The following PSMD1 variants were observed in gnomAD, a reference collection of about 807,000 sequenced individuals.
PSMD1 encodes 26S proteasome non-ATPase regulatory subunit 1.
PSMD1 carries 18 observed loss-of-function variants against 119.0 expected under a neutral mutation model. The ratio of observed to expected loss-of-function variants is 0.15; its 90% CI spans 0.10 to 0.22. PSMD1 has a LOEUF of 0.22. Ranked by LOEUF, PSMD1 falls within the 10% of genes least tolerant of loss-of-function variation. The pLI is 1.00. For synonymous variants in PSMD1, 374 were observed against 396.6 expected, an observed-to-expected ratio of 0.94 and a Z score of 0.68; for missense variants, 702 against 1,158.5, an observed-to-expected ratio of 0.61 and a Z score of 5.72.
At chr2:231,067,661 T>C (rs1292299479) in intron 5 of PSMD1, among the ~76,000 whole-genome samples, 1 of 152,120 alleles carries the variant, frequency 6.6e-6, no homozygotes, top group East Asian at 1.9e-4. Flanking sequence ...TTCTTTTTTC[T>C]TTCTTTTTTT....
intron 1 of PSMD1, among the ~76,000 whole-genome samples, chr2:231,057,740 C>G (rs1465896635): frequency 6.6e-6 from 1 of 152,228 alleles, no homozygotes; most frequent in Middle Eastern, 3.2e-3. Context: ...GTTTCATACG[C>G]GCAAACCATT....
intron 16 of PSMD1, among the ~76,000 whole-genome samples, chr2:231,098,680 CTCTT>C (rs1694789457): frequency 6.6e-6 from 1 of 152,160 alleles, no homozygotes; most frequent in South Asian, 2.1e-4. Flanking sequence ...AGTAGAGCTT[CTCTT>C]TCTTCCTCTG....
At chr2:231,087,789 T>C (rs1022907324) in intron 16 of PSMD1, among the ~76,000 whole-genome samples, 1 of 152,072 alleles carries the variant, frequency 6.6e-6, no homozygotes, top group African/African-American at 2.4e-5. Context: ...GGTGAAACCC[T>C]GTCTCTACTA....
chr2:231,162,959 C>CA (rs1418051621), intron 20 of PSMD1: 1 of 146,826 alleles, frequency 6.8e-6, no homozygotes, highest in Non-Finnish European at 1.5e-5. Context: ...ATTAGCCGGG[C>CA]ATGGTGGCGG....
intron 19 of PSMD1, among the ~76,000 whole-genome samples, chr2:231,157,585 T>TG (rs1259343703): frequency 2.2e-4 from 32 of 145,824 alleles, no homozygotes; most frequent in Admixed American, 7.5e-4. Context: ...GTTCTTTTTT[T>TG]TGGGGGGGGC....
At chr2:231,122,292 T>A (rs1013692160) in intron 16 of PSMD1, among the ~76,000 whole-genome samples, 1 of 152,134 alleles carries the variant, frequency 6.6e-6, no homozygotes, top group East Asian at 1.9e-4. Context: ...CTGATAATAG[T>A]TTTAGATATC....
chr2:231,108,117 G>T (rs1349006900), intron 16 of PSMD1: 2 of 234,130 alleles, frequency 8.5e-6, no homozygotes, highest in Non-Finnish European at 1.7e-5. Flanking sequence ...TCTGTATCAT[G>T]CCTTATGCTT....
chr2:231,143,507 C>T (rs551834863), intron 17 of PSMD1, among the ~76,000 whole-genome samples: 27 of 152,306 alleles, frequency 1.8e-4, no homozygotes, highest in African/African-American at 6.0e-4. Flanking sequence ...GGATTATAGG[C>T]GTGAGCCACC....
chr2:231,149,732 T>A (rs1354807831), intron 18 of PSMD1, among the ~76,000 whole-genome samples: 1 of 152,184 alleles, frequency 6.6e-6, no homozygotes, highest in Non-Finnish European at 1.5e-5. Context: ...TTGTAAGTAG[T>A]AGTCTATTAC....
chr2:231,080,579 C>T (rs1272599961), intron 12 of PSMD1, among the ~76,000 whole-genome samples: 2 of 152,074 alleles, frequency 1.3e-5, no homozygotes, highest in African/African-American at 4.8e-5. Context: ...TACAAGTGAC[C>T]TTAGTTATCA....
In PSMD1 at chr2:231,138,741, C is replaced by A; in HGVS notation, c.1889C>A (p.Pro630His). The change falls in exon 17 of 25, where the codon CCT (proline) becomes CAT (histidine). Residue 630 changes from proline (P) to histidine (H), a missense_variant. Pro to His is a moderately conservative substitution (Grantham distance 77). Around this residue, in one of 9 missense-constraint regions of PSMD1, gnomAD observed 272 missense variants for 511.6 expected, o/e 0.53. Coordinates refer to ENST00000308696, the MANE Select transcript of PSMD1 (RefSeq NM_002807.4). ...CGCTTTCTGTTTCTTATCAGAACCC[C>A]TGAACAGTGCCCAAGTGTTGTCTCT... Reference protein sequence around the residue: ...ESLGFILFRTPEQCPSVVSLL... With the variant: ...ESLGFILFRTHEQCPSVVSLL... 1 of 1,613,368 alleles carries A rather than the reference C, an allele frequency of 6.2e-7. No homozygotes were observed. The highest frequency in any genetic ancestry group is 1.1e-5 in the South Asian group (1 of 91,060).
intron 17 of PSMD1, among the ~76,000 whole-genome samples, chr2:231,142,885 T>C (rs1040320216): frequency 5.3e-5 from 8 of 152,180 alleles, no homozygotes; most frequent in African/African-American, 1.9e-4. Flanking sequence ...GTGTATTATC[T>C]GTTAATAGCT....
chr2:231,159,485 G>GTTTGTAAT (rs1334380108), intron 19 of PSMD1, among the ~76,000 whole-genome samples: 2 of 151,720 alleles, frequency 1.3e-5, no homozygotes, highest in Non-Finnish European at 2.9e-5. Context: ...TAGTAATCCT[G>GTTTGTAAT]GACCTACACC....
At chr2:231,083,506 G>T (rs1694363770) in intron 13 of PSMD1, 61 bp from the exon 14 acceptor site, 1 of 1,539,436 alleles carries the variant, frequency 6.5e-7, no homozygotes, top group Admixed American at 1.7e-5. Flanking sequence ...ACTTTCAGTT[G>T]GATGTTTTAC....
Position 231,075,930 on chromosome 2 carries a change from A to G in PSMD1, c.942+359A>G, listed in dbSNP as rs546330218. Among the ~76,000 whole-genome samples the G allele has an allele frequency of 4.3e-4, 66 of 152,308 alleles. 1 individual carries two copies. Among genetic ancestry groups the G allele is most frequent in the African/African-American group, 1.5e-3 (64 of 41,570 alleles). On this transcript the variant is annotated intron_variant, in intron 8 of 24. Transcript: ENST00000308696. ...TTTGAAGTTGAGATTGTTACTTAAT[A>G]AATATTTCCACAGGATATTGTAAAT...
intron 12 of PSMD1, among the ~76,000 whole-genome samples, chr2:231,081,707 G>C (rs1015439324): frequency 3.9e-5 from 6 of 152,216 alleles, no homozygotes; most frequent in African/African-American, 1.4e-4. Context: ...TTGGGATGCT[G>C]TCACTAATAG....
intron 14 of PSMD1, among the ~76,000 whole-genome samples, chr2:231,084,614 A>G (rs1252584281): frequency 6.6e-6 from 1 of 152,164 alleles, no homozygotes; most frequent in Non-Finnish European, 1.5e-5. Flanking sequence ...TAATTTGTTC[A>G]GTTACCAGGC....
chr2:231,121,879 G>T (rs1045950242), intron 16 of PSMD1, among the ~76,000 whole-genome samples: 7 of 152,210 alleles, frequency 4.6e-5, no homozygotes, highest in South Asian at 2.1e-4. Flanking sequence ...CATTTTCTGT[G>T]TGCCTAGCAA....
rs553771275 is a variant in PSMD1 at position 231,073,292 on chromosome 2, A to T, written c.881+877A>T. Among the ~76,000 whole-genome samples, 254 of 152,332 alleles carry T rather than the reference A, an allele frequency of 1.7e-3. 2 individuals are homozygous for T. The highest frequency in any genetic ancestry group is 0.011 in the South Asian group (51 of 4,824). The stretch of plus-strand genomic sequence containing the variant: ...TTAAAAAGTTTTAAATATTGCAAGG[A>T]TAACTAAAATGTAACACAAGGACAA... On this transcript the variant is annotated intron_variant, in intron 7 of 24. Coordinates refer to ENST00000308696, the MANE Select transcript of PSMD1 (RefSeq NM_002807.4).
Sources: gnomAD v4.1 joint callset for allele counts (sites outside exome capture counted in the v4.1 genomes callset) on GRCh38, gnomAD v4.1.1 for gene constraint, gnomAD v4.1.1 regional missense constraint, MANE v1.5 for transcripts, NCBI Gene and HGNC (gene_info 2026-07-23, HGNC 2026-07-21) for gene names.